RAPGEF6: variants seen among roughly 807,000 people sequenced by gnomAD.
The protein encoded by RAPGEF6 is Rap guanine nucleotide exchange factor 6.
Under a neutral mutation model 171.4 loss-of-function variants are expected in RAPGEF6, and 56 were observed. The ratio of observed to expected loss-of-function variants is 0.33; its 90% CI spans 0.26 to 0.41. The LOEUF (loss-of-function observed/expected upper bound fraction) is 0.41. Among genes scored for constraint, RAPGEF6 ranks in the 10% least tolerant of loss-of-function variants. The pLI is 1.00. For synonymous variants in RAPGEF6, 692 were observed against 650.1 expected (o/e 1.06, Z -0.98); for missense variants, 1,674 against 1,921.4 (o/e 0.87, Z 2.41).
chr5:131,504,795 T>G lies in RAPGEF6; in HGVS notation c.1102-17A>C. The G allele has an allele frequency of 6.2e-7, 1 of 1,603,382 alleles. No homozygotes were observed. The highest frequency in any genetic ancestry group is 8.5e-7 in the Non-Finnish European group (1 of 1,174,888). On this transcript the variant is annotated splice_polypyrimidine_tract_variant and intron_variant, in intron 10 of 27. Transcript: ENST00000509018. ...GCAGACAAACTGTCCAAGAACAACA[T>G]GGGGACAGTTAATGAACCTATAGTA...
At chr5:131,524,169 G>A (rs2149913261) in intron 6 of RAPGEF6, among the ~76,000 whole-genome samples, 1 of 152,310 alleles carries the variant, frequency 6.6e-6, no homozygotes, top group Middle Eastern at 3.4e-3. Flanking sequence ...CCAGATGGAA[G>A]CTTTCAGGAA....
At chr5:131,467,762 T>G (rs1365230522) in intron 17 of RAPGEF6, among the ~76,000 whole-genome samples, 13 of 152,156 alleles carry the variant, frequency 8.5e-5, no homozygotes, top group African/African-American at 3.1e-4. Flanking sequence ...CCAGGGGCGG[T>G]AGTTCATGCT....
intron 25 of RAPGEF6, 29 bp from the exon 26 acceptor site, chr5:131,431,378 A>G (rs916986610): frequency 5.8e-6 from 9 of 1,548,812 alleles, no homozygotes; most frequent in Non-Finnish European, 7.8e-6. Flanking sequence ...TACAATTAGA[A>G]GGCTTGCCAG....
chr5:131,432,272 G>A (rs1032942512), intron 25 of RAPGEF6, among the ~76,000 whole-genome samples: 1 of 152,160 alleles, frequency 6.6e-6, no homozygotes, highest in Non-Finnish European at 1.5e-5. Flanking sequence ...AGTGCAGGGG[G>A]TAGCAAACTA....
At chr5:131,564,212 A>G (rs1561565947) in intron 4 of RAPGEF6, among the ~76,000 whole-genome samples, 1 of 152,214 alleles carries the variant, frequency 6.6e-6, no homozygotes, top group Non-Finnish European at 1.5e-5. Context: ...TCCTGAAAAG[A>G]GGGAGAGCAG....
intron 1 of RAPGEF6, among the ~76,000 whole-genome samples, chr5:131,619,644 T>C (rs1331816487): frequency 1.3e-5 from 2 of 152,216 alleles, no homozygotes; most frequent in Non-Finnish European, 2.9e-5. Context: ...GATCCTACCA[T>C]GCATTATGAA....
chr5:131,557,371 A>G (rs1761302942), intron 5 of RAPGEF6, among the ~76,000 whole-genome samples: 1 of 152,162 alleles, frequency 6.6e-6, no homozygotes, highest in Admixed American at 6.5e-5. Context: ...ATAAAATTCA[A>G]TTTTCTACTT....
At chr5:131,571,478 A>G (rs1052493974) in intron 4 of RAPGEF6, among the ~76,000 whole-genome samples, 3 of 152,228 alleles carry the variant, frequency 2.0e-5, no homozygotes, top group African/African-American at 4.8e-5. Flanking sequence ...AGCAATTAGA[A>G]TAAGTGATTT....
At position 131,493,190 on chromosome 5, in the gene RAPGEF6, G is replaced by A. The variant is rs909394603; in HGVS notation, c.1528-405C>T. Among the ~76,000 whole-genome samples, 78 of 151,868 alleles carry A rather than the reference G, an allele frequency of 5.1e-4. 2 individuals carry two copies. The highest frequency in any genetic ancestry group is 3.0e-3 in the Admixed American group (46 of 15,246). ...TGCCATTCTCCTGCCTCAGCCTCCC[G>A]AGTAGCTGGGACTACAGGCGCCCGC... is the stretch of plus-strand genomic sequence containing the variant. On this transcript the variant is annotated intron_variant, in intron 13 of 27. Transcript: ENST00000509018.
intron 17 of RAPGEF6, among the ~76,000 whole-genome samples, chr5:131,465,945 GAAAACAAAAC>G (rs571685413): frequency 7.7e-4 from 117 of 151,968 alleles, no homozygotes; most frequent in South Asian, 6.3e-3. Flanking sequence ...GCCTTTAGAG[GAAAACAAAAC>G]AAAACAAAAC....
chr5:131,597,367 C>T (rs950385099), intron 3 of RAPGEF6, among the ~76,000 whole-genome samples: 1 of 151,406 alleles, frequency 6.6e-6, no homozygotes, highest in Non-Finnish European at 1.5e-5. Context: ...CTACTGGATA[C>T]ATATCCAAAG....
intron 3 of RAPGEF6, among the ~76,000 whole-genome samples, chr5:131,598,503 A>G (rs552862407): frequency 6.6e-6 from 1 of 152,230 alleles, no homozygotes; most frequent in Non-Finnish European, 1.5e-5. Flanking sequence ...ACCTAGCAAC[A>G]TTAGACAAAA....
intron 1 of RAPGEF6, 93 bp downstream of exon 1, chr5:131,634,869 T>A: frequency 1.4e-6 from 2 of 1,414,538 alleles, no homozygotes; most frequent in Non-Finnish European, 2.0e-6. Context: ...GGTGCGAGAC[T>A]CTGGCAAGAG....
Position 131,427,284 on chromosome 5 carries a change from T to C in RAPGEF6, c.4788A>G (p.Glu1596=), listed in dbSNP as rs768275962. The C allele has an allele frequency of 2.0e-5, 32 of 1,608,054 alleles. No individual in the cohort carries two copies. The South Asian group carries it at 3.5e-4, about 18-fold the overall frequency. Residue 1596 remains glutamate (E), a synonymous_variant, in exon 28 of 28, where the codon GAA becomes GAG. Coordinates refer to ENST00000509018, the MANE Select transcript of RAPGEF6 (RefSeq NM_016340.6). ...TDADSEADEN[E]QVSAV is the part of the protein sequence containing the mutation. The stretch of plus-strand genomic sequence containing the variant: ...CCAAAGGCTAGACTGCTGAAACTTG[T>C]TCATTTTCTGAAAATAAAAAATATA...
Position 131,489,794 on chromosome 5 carries a change from A to G in RAPGEF6, c.1732-140T>C, listed in dbSNP as rs1047506182. ...GTGAACAACAGTTATCTCTGTGAGA[A>G]GCTGGACTACTGTTTTTCTTTTTCT... On this transcript the variant is annotated intron_variant, in intron 14 of 27. Transcript: ENST00000509018. 3.8e-5 allele frequency: 18 copies of G among 475,624 alleles called. 1 individual carries two copies. In the East Asian group the frequency reaches 6.5e-4, roughly 17 times the overall value. 29.5% of individuals were successfully genotyped at this position (475,624 alleles called of 1,614,324 possible).
At chr5:131,464,465 A>G in intron 17 of RAPGEF6, 184 bp from the exon 18 acceptor site, 1 of 536,748 alleles carries the variant, frequency 1.9e-6, no homozygotes, top group Non-Finnish European at 3.2e-6. Flanking sequence ...TTCAGATAAC[A>G]AATCATTGAT....
At chr5:131,455,431 T>C (rs1044157213) in intron 20 of RAPGEF6, among the ~76,000 whole-genome samples, 4 of 152,180 alleles carry the variant, frequency 2.6e-5, no homozygotes, top group African/African-American at 9.6e-5. Flanking sequence ...GCTAATCTTT[T>C]GTTATTTTTA....
chr5:131,566,335 G>A (rs1435744982), intron 4 of RAPGEF6, among the ~76,000 whole-genome samples: 1 of 152,060 alleles, frequency 6.6e-6, no homozygotes, highest in East Asian at 1.9e-4. Context: ...TTATTGAAAG[G>A]ATCATGTGGT....
intron 1 of RAPGEF6, among the ~76,000 whole-genome samples, chr5:131,618,061 G>C (rs1191148030): frequency 6.6e-6 from 1 of 152,138 alleles, no homozygotes; most frequent in South Asian, 2.1e-4. Flanking sequence ...TTCAGTACTA[G>C]AGCAAAGAAA....
Sources: gnomAD v4.1 joint callset for allele counts (sites outside exome capture counted in the v4.1 genomes callset) on GRCh38, gnomAD v4.1.1 for gene constraint, MANE v1.5 for transcripts, NCBI Gene and HGNC (gene_info 2026-07-23, HGNC 2026-07-21) for gene names.